The following PHC2 variants were observed in gnomAD, a reference collection of about 807,000 sequenced individuals.
PHC2 encodes the protein polyhomeotic homolog 2, also known as polyhomeotic-like protein 2.
In PHC2, 29 loss-of-function variants were observed where a neutral mutation model predicts 87.4. That is an observed-to-expected ratio of 0.33 (90% CI 0.25 to 0.45). The LOEUF (loss-of-function observed/expected upper bound fraction) is 0.45. Ranked by LOEUF, PHC2 falls within the 20% of genes least tolerant of loss-of-function variation. The pLI is 1.00. For missense variants in PHC2, 857 were observed against 1,136.7 expected, an observed-to-expected ratio of 0.75 and a Z score of 3.54; for synonymous variants, 438 against 461.7, an observed-to-expected ratio of 0.95 and a Z score of 0.66.
At chr1:33,422,076 G>A (rs537096859) in intron 1 of PHC2, among the ~76,000 whole-genome samples, 1 of 152,138 alleles carries the variant, frequency 6.6e-6, no homozygotes, top group African/African-American at 2.4e-5. Context: ...TTGAAAGGTT[G>A]TTTGGAGGTC....
Position 33,325,085 on chromosome 1 carries a change from CATCTAGTTATCTAG to C in PHC2, c.2426-80_2426-67del, listed in dbSNP as rs1312044722. The stretch of plus-strand genomic sequence containing the variant: ...CAGTGTTCACCTCTGGCAGCCACTG[CATCTAGTTATCTAG>C]ATCTAGTTATCTGCATCCATTATTT... On this transcript the variant is annotated intron_variant, in intron 14 of 14. Transcript: ENST00000683057. The C allele has an allele frequency of 2.4e-5, 35 of 1,436,452 alleles. 1 individual carries two copies. In the Middle Eastern group the frequency reaches 1.3e-3, roughly 51 times the overall value. 89.0% of individuals were successfully genotyped at this position (1,436,452 alleles called of 1,614,324 possible).
At chr1:33,372,560 G>T in intron 2 of PHC2, 113 bp from the exon 3 acceptor site, 1 of 887,254 alleles carries the variant, frequency 1.1e-6, no homozygotes, top group Non-Finnish European at 1.6e-6. Flanking sequence ...GAGACACCAA[G>T]ATCTGTGACC....
At position 33,324,647 on chromosome 1, in the gene PHC2, C is replaced by T. The variant is rs1646332085; in HGVS notation, c.*218G>A. The T allele has an allele frequency of 4.2e-6, 2 of 479,608 alleles. No homozygotes were observed. Among genetic ancestry groups the T allele is most frequent in the Non-Finnish European group, 7.4e-6 (2 of 268,904 alleles). The allele number at this position is 479,608 out of a possible 1,614,324, so 29.7% of individuals were successfully genotyped here. ...GCTATCAATATTTACAAGCATAAAG[C>T]CCCATCTTCTGTGCCACCTACCTCT... On this transcript the variant is annotated 3_prime_UTR_variant, in exon 15 of 15. Transcript: ENST00000683057.
intron 14 of PHC2, chr1:33,325,892 G>C: frequency 2.2e-6 from 1 of 456,652 alleles, no homozygotes; most frequent in Non-Finnish European, 4.4e-6. Context: ...TGGAAAGCGT[G>C]AGTGTCTAAG....
chr1:33,346,998 A>T, intron 9 of PHC2: 3 of 985,468 alleles, frequency 3.0e-6, no homozygotes, highest in Non-Finnish European at 3.6e-6. Flanking sequence ...ATTGTGTAAG[A>T]TCATCCATCT....
intron 1 of PHC2, among the ~76,000 whole-genome samples, chr1:33,422,369 T>C (rs570907115): frequency 2.0e-5 from 3 of 152,314 alleles, no homozygotes; most frequent in Non-Finnish European, 4.4e-5. Context: ...TAAATGTTTG[T>C]TGAATAAATA....
intron 1 of PHC2, among the ~76,000 whole-genome samples, chr1:33,399,205 A>C (rs1001112916): frequency 6.6e-6 from 1 of 152,114 alleles, no homozygotes; most frequent in African/African-American, 2.4e-5. Flanking sequence ...TTGTCTTTAA[A>C]GCAGAAAGAA....
chr1:33,327,700 T>C (rs951748218), intron 14 of PHC2, among the ~76,000 whole-genome samples: 2 of 152,222 alleles, frequency 1.3e-5, no homozygotes, highest in Non-Finnish European at 2.9e-5. Flanking sequence ...CCCACTGCCA[T>C]GCATATCATG....
chr1:33,334,024 TA>T lies in PHC2; in HGVS notation c.1761+65del. The T allele has an allele frequency of 1.4e-6, 2 of 1,387,298 alleles. No homozygotes were observed. The highest frequency in any genetic ancestry group is 1.0e-6 in the Non-Finnish European group (1 of 1,001,614). 85.9% of individuals were successfully genotyped at this position (1,387,298 alleles called of 1,614,324 possible). A position where few individuals can be genotyped will look rare whatever the true frequency, so the allele number is the denominator to read the frequency against. ...TTTTCAGAAATTTTACATGGAAATG[TA>T]AAAATATTCTAAGACACATCCAAAA... is the stretch of plus-strand genomic sequence containing the variant. On this transcript the variant is annotated intron_variant, in intron 10 of 14. Transcript: ENST00000683057. The surrounding 1 kb of genome is among the most constrained non-coding windows in gnomAD (Gnocchi z 5.5).
chr1:33,330,000 G>T (rs1181868122), intron 13 of PHC2, 71 bp downstream of exon 13: 4 of 1,543,496 alleles, frequency 2.6e-6, no homozygotes, highest in Admixed American at 1.8e-5. Context: ...GGGGACCGTG[G>T]TGTCGAGGGC....
At chr1:33,420,038 T>C (rs1650372328) in intron 1 of PHC2, among the ~76,000 whole-genome samples, 1 of 152,216 alleles carries the variant, frequency 6.6e-6, no homozygotes, top group Non-Finnish European at 1.5e-5. Context: ...ATTTACAAGT[T>C]CTGGGGATAA....
chr1:33,354,913 G>A lies in PHC2; in HGVS notation c.1317C>T (p.Gly439=), dbSNP rs116374358. The A allele has an allele frequency of 4.6e-4, 743 of 1,614,138 alleles. 2 individuals carry two copies. The African/African-American group carries it at 7.8e-3, about 17-fold the overall frequency. ...DTGPQNGHPE[G]VPHTPQRRFQ... is the part of the protein sequence containing the mutation. ...ACCTGCGTTGAGGGGTGTGGGGCACGCCCTCGGGATGTCCATTCTGAGGCC... is the reference window on the plus strand; with the variant it reads ...ACCTGCGTTGAGGGGTGTGGGGCACACCCTCGGGATGTCCATTCTGAGGCC... The change falls in exon 8 of 15, where the codon GGC becomes GGT. Residue 439 remains glycine (G), a synonymous_variant. Coordinates refer to ENST00000683057, the MANE Select transcript of PHC2 (RefSeq NM_001385109.1).
At chr1:33,385,665 T>TA (rs1396408398) in intron 1 of PHC2, among the ~76,000 whole-genome samples, 1 of 152,130 alleles carries the variant, frequency 6.6e-6, no homozygotes, top group Non-Finnish European at 1.5e-5. Context: ...AACTCAAAGT[T>TA]AGATTTTGAG....
chr1:33,358,794 T>C (rs1382201845), intron 7 of PHC2: 2 of 152,238 alleles, frequency 1.3e-5, no homozygotes, highest in Admixed American at 6.5e-5. Flanking sequence ...ACAGAGTATA[T>C]GCCTTTTCTC....
intron 1 of PHC2, among the ~76,000 whole-genome samples, chr1:33,413,156 G>C (rs1010512742): frequency 6.6e-6 from 1 of 152,078 alleles, no homozygotes; most frequent in South Asian, 2.1e-4. Flanking sequence ...TGGTAGAAAT[G>C]GGGTTTTACC....
In PHC2 at chr1:33,349,768, T is replaced by A; in HGVS notation, c.1558+4633A>T. 1.0e-6 allele frequency: 1 copy of A among 979,150 alleles called. No individual in the cohort carries two copies. The highest frequency in any genetic ancestry group is 1.2e-6 in the Non-Finnish European group (1 of 827,636). 60.7% of individuals were successfully genotyped at this position (979,150 alleles called of 1,614,324 possible). On this transcript the variant is annotated intron_variant, in intron 9 of 14. Transcript: ENST00000683057. This position sits in a 1 kb window ranked among gnomAD's most constrained non-coding sequence, Gnocchi z 4.2. ...TCCGACCGCACCGGCCTGGCCGGCG[T>A]CAACAAAGGGCGGCCGGGGCGCGAG...
chr1:33,396,022 T>G (rs1649278489), intron 1 of PHC2, among the ~76,000 whole-genome samples: 1 of 152,198 alleles, frequency 6.6e-6, no homozygotes, highest in South Asian at 2.1e-4. Context: ...GACAAAATAT[T>G]TGAAATTAGG....
At position 33,331,643 on chromosome 1, in the gene PHC2, G is replaced by T; in HGVS notation, c.1892-181C>A. The T allele has an allele frequency of 1.9e-6, 1 of 513,968 alleles. No homozygotes were observed. The allele number at this position is 513,968 out of a possible 1,614,324, so 31.8% of individuals were successfully genotyped here. ...TTCTCACCCCTGGAATGCACTCAAG[G>T]GTGTCTGGGGATGCCCCTTGTAGAC... On this transcript the variant is annotated intron_variant, in intron 11 of 14. Transcript: ENST00000683057. This position sits in a 1 kb window ranked among gnomAD's most constrained non-coding sequence, Gnocchi z 5.2.
chr1:33,372,199 G>A, intron 3 of PHC2, 90 bp downstream of exon 3: 2 of 1,294,550 alleles, frequency 1.5e-6, no homozygotes, highest in South Asian at 3.2e-5. Flanking sequence ...AGAAGGATGT[G>A]AAGCGCAGGT....
Sources: allele counts gnomAD v4.1 joint callset (sites outside exome capture counted in the v4.1 genomes callset), GRCh38; gene constraint gnomAD v4.1.1; non-coding constraint Gnocchi (gnomAD v3.1); transcripts MANE v1.5; gene names NCBI Gene and HGNC (gene_info 2026-07-23, HGNC 2026-07-21).